Variants in TANGO2 observed in about 807,000 individuals in gnomAD.
TANGO2 encodes transport and golgi organization 2 homolog, also known as transport and Golgi organization protein 2 homolog.
A neutral mutation model predicts 39.1 loss-of-function variants in TANGO2; 26 were observed. That is an observed-to-expected ratio of 0.67 (90% CI 0.49 to 0.92). TANGO2 has a LOEUF of 0.92. TANGO2 is among the 40% of genes least tolerant of loss of function. The probability of loss-of-function intolerance (pLI) is 0.00; values close to 1 mark genes in which losing one functional copy is unlikely to be tolerated. For synonymous variants in TANGO2, 131 were observed against 144.5 expected, an observed-to-expected ratio of 0.91 and a Z score of 0.67; for missense variants, 326 against 360.1, an observed-to-expected ratio of 0.91 and a Z score of 0.77.
intron 4 of TANGO2, among the ~76,000 whole-genome samples, chr22:20,053,106 A>G (rs1011243599): frequency 6.6e-6 from 1 of 151,794 alleles, no homozygotes; most frequent in African/African-American, 2.4e-5. Context: ...CCTGCCTGGA[A>G]TGTTTGTAGA....
chr22:20,023,466 G>C (rs1164906310), intron 1 of TANGO2, among the ~76,000 whole-genome samples: 1 of 152,202 alleles, frequency 6.6e-6, no homozygotes, highest in African/African-American at 2.4e-5. Flanking sequence ...GCTATTCCTT[G>C]GAACTGGGAA....
At chr22:20,053,725 G>T (rs1448371174) in intron 5 of TANGO2, 174 bp downstream of exon 5, 2 of 647,010 alleles carry the variant, frequency 3.1e-6, no homozygotes, top group Admixed American at 2.1e-5. Context: ...GTACCAACTC[G>T]GGTATTTGGG....
intron 6 of TANGO2, among the ~76,000 whole-genome samples, chr22:20,060,517 A>G (rs1374651206): frequency 6.6e-6 from 1 of 152,086 alleles, no homozygotes. Flanking sequence ...CTCCTGCCCC[A>G]GCCTCCCGAT....
chr22:20,066,788 G>A lies in TANGO2; in HGVS notation c.*2126G>A, dbSNP rs796440786. 3.5e-4 allele frequency among the ~76,000 whole-genome samples: 54 copies of A among 152,232 alleles called. No homozygotes were observed. Among genetic ancestry groups the A allele is most frequent in the African/African-American group, 1.2e-3 (51 of 41,544 alleles). The stretch of plus-strand genomic sequence containing the variant: ...CCAGTGCCAGTCCCCAACCTGGATG[G>A]TGCCCTGCCCTCATGAAGAGCCCCC... On this transcript the variant is annotated 3_prime_UTR_variant, in exon 9 of 9. Coordinates refer to ENST00000327374, the MANE Select transcript of TANGO2 (RefSeq NM_152906.7).
intron 6 of TANGO2, chr22:20,056,613 C>G (rs1404639498): frequency 4.4e-6 from 2 of 456,702 alleles, no homozygotes; most frequent in Non-Finnish European, 8.8e-6. Context: ...CTGCGATTTC[C>G]TGGAAGCTTC....
intron 1 of TANGO2, among the ~76,000 whole-genome samples, chr22:20,030,169 T>TA (rs11388826): frequency 0.015 from 2,046 of 133,654 alleles, 57 homozygotes; most frequent in African/African-American, 0.05. Flanking sequence ...TTTTTTTTTT[T>TA]AATTTTTATT....
chr22:20,030,878 A>G (rs970524943), intron 1 of TANGO2, among the ~76,000 whole-genome samples: 4 of 152,222 alleles, frequency 2.6e-5, no homozygotes, highest in Non-Finnish European at 5.9e-5. Flanking sequence ...CCTGGGCAAC[A>G]TAATGAGACC....
At chr22:20,047,232 GTTT>G (rs113268323) in intron 3 of TANGO2, among the ~76,000 whole-genome samples, 3 of 132,346 alleles carry the variant, frequency 2.3e-5, no homozygotes, top group Non-Finnish European at 3.2e-5. Flanking sequence ...TGGTTTGTTT[GTTT>G]TTTTTTTTTT....
Position 20,060,670 on chromosome 22 carries a change from G to GT in TANGO2, c.452-859dup, listed in dbSNP as rs548197605. The stretch of plus-strand genomic sequence containing the variant: ...TGTTGTTCATGATGGAAAAAGCACT[G>GT]TGACACCTGGGGCTGGCGGCTTGGC... On this transcript the variant is annotated intron_variant, in intron 6 of 8. Transcript: ENST00000327374. 2.2e-3 allele frequency among the ~76,000 whole-genome samples: 335 copies of GT among 152,282 alleles called. 6 individuals are homozygous for GT. The highest frequency in any genetic ancestry group is 7.6e-3 in the African/African-American group (316 of 41,556).
chr22:20,042,471 ATTTG>A (rs2044146455), intron 2 of TANGO2, among the ~76,000 whole-genome samples: 1 of 152,184 alleles, frequency 6.6e-6, no homozygotes, highest in Non-Finnish European at 1.5e-5. Flanking sequence ...CAAAAGAAAT[ATTTG>A]TTTGATTAGG....
chr22:20,049,014 A>G lies in TANGO2; in HGVS notation c.146-3451A>G, dbSNP rs192913117. Among the ~76,000 whole-genome samples the G allele has an allele frequency of 2.2e-3, 329 of 152,288 alleles. 1 individual carries two copies. The highest frequency in any genetic ancestry group is 7.7e-3 in the African/African-American group (318 of 41,564). On this transcript the variant is annotated intron_variant, in intron 3 of 8. Transcript: ENST00000327374. ...GAGTTGTTCTTTTTGTGCCTTATCC[A>G]AAAAGTCTTTGCCTACCCAGAGGAA...
At chr22:20,048,920 C>T (rs1457284682) in intron 3 of TANGO2, among the ~76,000 whole-genome samples, 2 of 152,222 alleles carry the variant, frequency 1.3e-5, no homozygotes, top group African/African-American at 2.4e-5. Context: ...GGTAGGATTA[C>T]AGGCGTGAGC....
chr22:20,040,484 C>T (rs1024028361), intron 2 of TANGO2, among the ~76,000 whole-genome samples: 3 of 152,136 alleles, frequency 2.0e-5, no homozygotes, highest in African/African-American at 4.8e-5. Flanking sequence ...GGCTGTGGGA[C>T]GTGGAAGCAG....
intron 1 of TANGO2, among the ~76,000 whole-genome samples, chr22:20,026,881 T>C (rs2531705): frequency 0.031 from 4,792 of 152,272 alleles, 121 homozygotes; most frequent in South Asian, 0.083. Flanking sequence ...TCTGAAAGCG[T>C]CACCCATGGA....
At chr22:20,018,203 C>G (rs1481315057), upstream of TANGO2, among the ~76,000 whole-genome samples, 1 of 152,262 alleles carries the variant, frequency 6.6e-6, no homozygotes, top group Non-Finnish European at 1.5e-5. Flanking sequence ...AGCCAGGCAG[C>G]TACTATCAAT....
intron 3 of TANGO2, 34 bp from the exon 4 acceptor site, chr22:20,052,431 G>A (rs1409223905): frequency 2.5e-6 from 4 of 1,573,678 alleles, no homozygotes; most frequent in East Asian, 2.3e-5. Context: ...GGAATGGGTG[G>A]CATCAATGGT....
At chr22:20,030,259 G>T (rs2041596931) in intron 1 of TANGO2, among the ~76,000 whole-genome samples, 2 of 150,172 alleles carry the variant, frequency 1.3e-5, no homozygotes, top group Non-Finnish European at 2.9e-5. Context: ...CCTCCACCTC[G>T]TGGGTTCAAG....
intron 1 of TANGO2, among the ~76,000 whole-genome samples, chr22:20,024,796 C>T (rs932706033): frequency 2.0e-5 from 3 of 152,192 alleles, no homozygotes; most frequent in African/African-American, 7.2e-5. Flanking sequence ...CTTGCCTTTT[C>T]GCTTGCCAAA....
chr22:20,062,584 C>A (rs1013066292), intron 7 of TANGO2, among the ~76,000 whole-genome samples: 4 of 152,262 alleles, frequency 2.6e-5, no homozygotes, highest in Non-Finnish European at 4.4e-5. Context: ...TGTAAGTCCA[C>A]ACAGCCCCCA....
Sources: allele counts gnomAD v4.1 joint callset (sites outside exome capture counted in the v4.1 genomes callset), GRCh38; gene constraint gnomAD v4.1.1; transcripts MANE v1.5; gene names NCBI Gene and HGNC (gene_info 2026-07-23, HGNC 2026-07-21).